Variants in SPRY3 observed in about 807,000 individuals in gnomAD.
The protein encoded by SPRY3 is sprouty RTK signaling antagonist 3.
SPRY3 carries 15 observed loss-of-function variants against 20.2 expected under a neutral mutation model. The ratio of observed to expected loss-of-function variants is 0.74; its 90% CI spans 0.50 to 1.14. The LOEUF is 1.14. SPRY3 is among the 50% of genes most tolerant of loss of function. The pLI is 0.00. For synonymous variants in SPRY3, 143 were observed against 136.5 expected (o/e 1.05, Z -0.33); for missense variants, 364 against 363.9 (o/e 1.00, Z 0.00).
At chrX:155,748,712 T>C (rs2091242037) in intron 2 of SPRY3, among the ~76,000 whole-genome samples, 1 of 151,846 alleles carries the variant, frequency 6.6e-6, no homozygotes, top group South Asian at 2.1e-4. Flanking sequence ...GACTGCTACA[T>C]GGAATCAGAA....
chrX:155,761,397 G>T (rs1273186224), intron 2 of SPRY3, among the ~76,000 whole-genome samples: 1 of 151,828 alleles, frequency 6.6e-6, no homozygotes, highest in Non-Finnish European at 1.5e-5. Context: ...CTTTTTCATG[G>T]CTGCATAGTA....
At chrX:155,662,766 G>T (rs965944834) in intron 2 of SPRY3, among the ~76,000 whole-genome samples, 3 of 108,960 alleles carry the variant, frequency 2.8e-5, no homozygotes, top group Non-Finnish European at 5.7e-5. Context: ...CTATAAATAG[G>T]TCTTAACTAG....
chrX:155,766,789 C>T (rs1213945611), intron 2 of SPRY3, among the ~76,000 whole-genome samples: 1 of 152,110 alleles, frequency 6.6e-6, no homozygotes, highest in African/African-American at 2.4e-5. Context: ...ATCCACAACA[C>T]CTAGCACAAA....
At chrX:155,763,374 C>T (rs2091311911) in intron 2 of SPRY3, among the ~76,000 whole-genome samples, 1 of 152,104 alleles carries the variant, frequency 6.6e-6, no homozygotes, top group Non-Finnish European at 1.5e-5. Flanking sequence ...CTGTCAATTC[C>T]CTAACCAGGC....
chrX:155,697,752 G>C (rs1332688053), intron 2 of SPRY3, among the ~76,000 whole-genome samples: 4 of 109,386 alleles, frequency 3.7e-5, no homozygotes, highest in Non-Finnish European at 5.7e-5. Context: ...ATTTGAGTTT[G>C]AGTCCTGGTT....
intron 2 of SPRY3, among the ~76,000 whole-genome samples, chrX:155,734,848 T>C (rs2091157423): frequency 6.6e-6 from 1 of 152,012 alleles, no homozygotes; most frequent in Non-Finnish European, 1.5e-5. Flanking sequence ...TTGTTTTCAA[T>C]TTCTTTGATT....
At chrX:155,761,754 A>G (rs1256496624) in intron 2 of SPRY3, among the ~76,000 whole-genome samples, 1 of 147,804 alleles carries the variant, frequency 6.8e-6, no homozygotes, top group Non-Finnish European at 1.5e-5. Flanking sequence ...AGCCATTCTG[A>G]CTGGTGTGAG....
chrX:155,666,918 G>A (rs933302134), intron 2 of SPRY3, among the ~76,000 whole-genome samples: 4 of 110,637 alleles, frequency 3.6e-5, no homozygotes, highest in Non-Finnish European at 7.6e-5. Flanking sequence ...ATACTGATAA[G>A]GAGCTGCAAG....
chrX:155,694,688 G>A (rs764354645), intron 2 of SPRY3, among the ~76,000 whole-genome samples: 2 of 111,986 alleles, frequency 1.8e-5, no homozygotes, highest in Admixed American at 1.9e-4. Flanking sequence ...AATCCCATCT[G>A]GGGTTGTTGG....
At chrX:155,625,961 A>G (rs930394154) in intron 1 of SPRY3, among the ~76,000 whole-genome samples, 1 of 110,862 alleles carries the variant, frequency 9.0e-6, no homozygotes, top group East Asian at 2.8e-4. Context: ...TTATTGGTTG[A>G]TATGCATTTG....
At chrX:155,620,182 A>C (rs2067866570) in intron 1 of SPRY3, among the ~76,000 whole-genome samples, 1 of 111,449 alleles carries the variant, frequency 9.0e-6, no homozygotes, top group Admixed American at 9.5e-5. Flanking sequence ...ACACTTTATA[A>C]GATTCTTAGT....
At chrX:155,708,480 T>C (rs1602952990) in intron 2 of SPRY3, among the ~76,000 whole-genome samples, 2 of 151,516 alleles carry the variant, frequency 1.3e-5, no homozygotes, top group East Asian at 1.9e-4. Context: ...CTAGGATGTG[T>C]CCAGGTGTGG....
At chrX:155,675,418 A>G (rs1353639805) in intron 2 of SPRY3, among the ~76,000 whole-genome samples, 1 of 111,368 alleles carries the variant, frequency 9.0e-6, no homozygotes, top group African/African-American at 3.3e-5. Flanking sequence ...AGTGTGATAC[A>G]TGAAAGTAAT....
chrX:155,699,366 T>G (rs961138981), intron 2 of SPRY3, among the ~76,000 whole-genome samples: 3 of 111,923 alleles, frequency 2.7e-5, no homozygotes, highest in Admixed American at 9.5e-5. Context: ...GACAACGTGG[T>G]GAAGCCTGAG....
intron 2 of SPRY3, among the ~76,000 whole-genome samples, chrX:155,764,529 G>T (rs1215568032): frequency 1.3e-5 from 2 of 152,134 alleles, no homozygotes; most frequent in Non-Finnish European, 2.9e-5. Flanking sequence ...TCCAAAAATT[G>T]GTTATCCATT....
intron 2 of SPRY3, among the ~76,000 whole-genome samples, chrX:155,730,730 T>C (rs2091127536): frequency 6.6e-6 from 1 of 152,106 alleles, no homozygotes; most frequent in African/African-American, 2.4e-5. Flanking sequence ...TTATCCTTGT[T>C]TGCAGATGAT....
At chrX:155,756,537 CTA>C (rs1260736362) in intron 2 of SPRY3, among the ~76,000 whole-genome samples, 9 of 152,068 alleles carry the variant, frequency 5.9e-5, no homozygotes, top group Non-Finnish European at 4.4e-5. Flanking sequence ...GGTAAGTTCT[CTA>C]TGCAGATGTC....
At position 155,675,011 on chromosome X, in the gene SPRY3, G is replaced by A. The variant is rs782616344; in HGVS notation, c.-282+17986G>A. On this transcript the variant is annotated intron_variant, in intron 2 of 3. Coordinates refer to ENST00000675360, the Ensembl canonical transcript of SPRY3. ...TAATCCAGTAAGCAGAAATGTTTGG[G>A]TATAATTGTTCAATTAATTGTGAAC... Among the ~76,000 whole-genome samples, 7 of 111,712 alleles carry A rather than the reference G, an allele frequency of 6.3e-5. No individual in the cohort carries two copies. The South Asian group carries it at 2.2e-3, about 36-fold the overall frequency.
chrX:155,726,833 A>T (rs2091101527), intron 2 of SPRY3, among the ~76,000 whole-genome samples: 1 of 152,264 alleles, frequency 6.6e-6, no homozygotes, highest in African/African-American at 2.4e-5. Flanking sequence ...TAAGGTTAAT[A>T]TTGTTATGTG....
Sources: gnomAD v4.1 joint callset for allele counts (sites outside exome capture counted in the v4.1 genomes callset) on GRCh38, gnomAD v4.1.1 for gene constraint, MANE v1.5 for transcripts, NCBI Gene and HGNC (gene_info 2026-07-23, HGNC 2026-07-21) for gene names.